Variants in PPP1R8 observed in about 807,000 individuals in gnomAD.
PPP1R8 encodes nuclear inhibitor of protein phosphatase 1.
In PPP1R8, 4 loss-of-function variants were observed where a neutral mutation model predicts 31.3. That is an observed-to-expected ratio of 0.13 (90% confidence interval 0.06 to 0.29). The LOEUF (loss-of-function observed/expected upper bound fraction) is 0.29, where lower values mean the gene tolerates loss of function less well. Ranked by LOEUF, PPP1R8 falls within the 10% of genes least tolerant of loss-of-function variation. PPP1R8 has a pLI of 1.00. For synonymous variants in PPP1R8, 170 were observed against 169.7 expected (o/e 1.00, Z -0.01); for missense variants, 254 against 440.1 (o/e 0.58, Z 3.78).
At chr1:27,834,270 A>G (rs1571544639) in intron 2 of PPP1R8, 2 of 362,596 alleles carry the variant, frequency 5.5e-6, no homozygotes, top group Non-Finnish European at 1.1e-5. Flanking sequence ...CTATTAGCTG[A>G]TAACGTTCTC....
chr1:27,843,347 G>T lies in PPP1R8; in HGVS notation c.637+17G>T. ...TCAACCCAGGTGAGGTATCTTGCTA[G>T]TTTATTCTGATGAAAAAGCTGTGGT... On this transcript the variant is annotated intron_variant, in intron 5 of 6. Transcript: ENST00000311772. The T allele has an allele frequency of 6.2e-7, 1 of 1,614,008 alleles. No homozygotes were observed. Among genetic ancestry groups the T allele is most frequent in the South Asian group, 1.1e-5 (1 of 91,084 alleles).
At chr1:27,834,859 A>G (rs2089147385) in intron 2 of PPP1R8, among the ~76,000 whole-genome samples, 1 of 151,984 alleles carries the variant, frequency 6.6e-6, no homozygotes, top group Non-Finnish European at 1.5e-5. Flanking sequence ...CTCTACTAAA[A>G]GTAAAAAAAT....
At chr1:27,847,531 G>A (rs1348531545) in intron 6 of PPP1R8, among the ~76,000 whole-genome samples, 2 of 150,928 alleles carry the variant, frequency 1.3e-5, no homozygotes, top group African/African-American at 4.9e-5. Context: ...AAGAGATTGA[G>A]ACCATCCTGG....
chr1:27,847,334 CTG>C (rs1258234174), intron 6 of PPP1R8, among the ~76,000 whole-genome samples: 2 of 152,100 alleles, frequency 1.3e-5, no homozygotes, highest in Non-Finnish European at 2.9e-5. Context: ...TGGTGAAACC[CTG>C]TCTCTACTAA....
intron 4 of PPP1R8, 104 bp from the exon 5 acceptor site, chr1:27,843,082 C>T (rs2089238582): frequency 1.4e-6 from 2 of 1,381,780 alleles, no homozygotes; most frequent in African/African-American, 2.9e-5. Flanking sequence ...CTTTGGAGGT[C>T]AAGATTAGCC....
At chr1:27,845,895 T>G (rs1433304568) in intron 5 of PPP1R8, among the ~76,000 whole-genome samples, 1 of 146,516 alleles carries the variant, frequency 6.8e-6, no homozygotes, top group Non-Finnish European at 1.5e-5. Flanking sequence ...GTTCACGCCA[T>G]TCTCCTGCCT....
chr1:27,843,533 G>A (rs998575456), intron 5 of PPP1R8, among the ~76,000 whole-genome samples: 4 of 152,052 alleles, frequency 2.6e-5, no homozygotes, highest in South Asian at 2.1e-4. Flanking sequence ...GGTGGTGTTC[G>A]CCTGTAGTCC....
intron 4 of PPP1R8, among the ~76,000 whole-genome samples, chr1:27,842,562 A>G (rs1245082699): frequency 6.6e-6 from 1 of 152,142 alleles, no homozygotes; most frequent in Non-Finnish European, 1.5e-5. Flanking sequence ...GGTTTGTACC[A>G]GAAAGGAATA....
At chr1:27,847,581 A>G (rs1409803596) in intron 6 of PPP1R8, among the ~76,000 whole-genome samples, 1 of 151,872 alleles carries the variant, frequency 6.6e-6, no homozygotes, top group East Asian at 1.9e-4. Context: ...AAATACAAAA[A>G]TTAGCTGGGT....
intron 2 of PPP1R8, among the ~76,000 whole-genome samples, chr1:27,837,766 C>T (rs1188801423): frequency 7.1e-6 from 1 of 140,296 alleles, no homozygotes; most frequent in Non-Finnish European, 1.5e-5. Flanking sequence ...CAGAGCGAGA[C>T]TTAGTCTCAA....
intron 5 of PPP1R8, among the ~76,000 whole-genome samples, chr1:27,846,548 T>C (rs1029292218): frequency 6.6e-6 from 1 of 152,274 alleles, no homozygotes; most frequent in East Asian, 1.9e-4. Context: ...GTTTTTTTGC[T>C]AATAAGCAGG....
intron 6 of PPP1R8, among the ~76,000 whole-genome samples, chr1:27,848,973 A>G (rs964943696): frequency 2.0e-5 from 3 of 152,230 alleles, no homozygotes; most frequent in Admixed American, 2.0e-4. Flanking sequence ...TCTCACTCCA[A>G]AAAGTTGCCT....
Position 27,846,070 on chromosome 1 carries a change from G to A in PPP1R8, c.638-958G>A, listed in dbSNP as rs558747029. Among the ~76,000 whole-genome samples the A allele has an allele frequency of 7.9e-5, 12 of 152,238 alleles. No individual in the cohort carries two copies. In the South Asian group the frequency reaches 8.3e-4, roughly 11 times the overall value. On this transcript the variant is annotated intron_variant, in intron 5 of 6. Coordinates refer to ENST00000311772, the MANE Select transcript of PPP1R8 (RefSeq NM_014110.5). ...CTCCCAAAGTGCTGGGATTACAGGC[G>A]TGAGCCACCGCACCCGGCCAGGAGT...
Position 27,850,469 on chromosome 1 carries a change from T to TTTTGGGG in PPP1R8, c.*23_*24insTTTGGGG. On this transcript the variant is annotated 3_prime_UTR_variant, in exon 7 of 7. Coordinates refer to ENST00000311772, the MANE Select transcript of PPP1R8 (RefSeq NM_014110.5). ...TGATATTTTTGGTCATGGAGAAGGG[T>TTTTGGGG]GGGATTGGGTGGGAATGGGGTGGAA... 4.7e-6 allele frequency: 2 copies of TTTTGGGG among 422,858 alleles called. No individual in the cohort carries two copies. Among genetic ancestry groups the TTTTGGGG allele is most frequent in the Non-Finnish European group, 9.7e-6 (2 of 205,674 alleles). 26.2% of individuals were successfully genotyped at this position (422,858 alleles called of 1,614,324 possible). A position where few individuals can be genotyped will look rare whatever the true frequency, so the allele number is the denominator to read the frequency against.
At position 27,831,219 on chromosome 1, in the gene PPP1R8, C is replaced by T. The variant is rs935422148; in HGVS notation, c.56+328C>T. The T allele has an allele frequency of 3.3e-5, 36 of 1,088,126 alleles. No individual in the cohort carries two copies. In the South Asian group the frequency reaches 7.8e-4, roughly 24 times the overall value. The allele number at this position is 1,088,126 out of a possible 1,614,324, so 67.4% of individuals were successfully genotyped here. On this transcript the variant is annotated intron_variant, in intron 1 of 6. Transcript: ENST00000311772. The stretch of plus-strand genomic sequence containing the variant: ...CTCTTGACTGAGTGCCTGGTGCTCT[C>T]GTGGAGCATCGCATCTGGCCCCTTC...
At chr1:27,838,004 G>C (rs1371391415) in intron 2 of PPP1R8, among the ~76,000 whole-genome samples, 2 of 151,892 alleles carry the variant, frequency 1.3e-5, no homozygotes, top group Admixed American at 6.6e-5. Flanking sequence ...AAGGTCGGGA[G>C]TTCGAGACCA....
chr1:27,830,878 G>C lies in PPP1R8; in HGVS notation c.43G>C (p.Asp15His), dbSNP rs2089094136. 6.4e-7 allele frequency: 1 copy of C among 1,572,782 alleles called. No individual in the cohort carries two copies. Among genetic ancestry groups the C allele is most frequent in the Non-Finnish European group, 8.6e-7 (1 of 1,160,108 alleles). Residue 15 changes from aspartate (D) to histidine (H), a missense_variant, in exon 1 of 7, where the codon GAC becomes CAC. By Grantham distance (81) the Asp-to-His change is moderately conservative. Coordinates refer to ENST00000311772, the MANE Select transcript of PPP1R8 (RefSeq NM_014110.5). Reference protein sequence around the residue: ...ANSGSSLPLFDCPTWAGKPPP... With the variant: ...ANSGSSLPLFHCPTWAGKPPP... ...CTCCGGCTCTAGCCTCCCGCTGTTCGACTGCCCAACCTGGTGAGTGGCGGG... is the reference window on the plus strand; with the variant it reads ...CTCCGGCTCTAGCCTCCCGCTGTTCCACTGCCCAACCTGGTGAGTGGCGGG...
At chr1:27,831,393 G>A in intron 1 of PPP1R8, 2 of 982,666 alleles carry the variant, frequency 2.0e-6, no homozygotes, top group South Asian at 4.7e-5. Context: ...CCTGCCCTCA[G>A]GGAGCTCCCA....
At chr1:27,836,819 G>A (rs543224757) in intron 2 of PPP1R8, among the ~76,000 whole-genome samples, 1 of 151,174 alleles carries the variant, frequency 6.6e-6, no homozygotes, top group East Asian at 2.0e-4. Context: ...TTCACCTGAG[G>A]TGAGGAGTTC....
Sources: gnomAD v4.1 joint callset for allele counts (sites outside exome capture counted in the v4.1 genomes callset) on GRCh38, gnomAD v4.1.1 for gene constraint, MANE v1.5 for transcripts, NCBI Gene and HGNC (gene_info 2026-07-23, HGNC 2026-07-21) for gene names.